The following ANKRD44 variants were observed in gnomAD, a reference collection of about 807,000 sequenced individuals.
ANKRD44 encodes ankyrin repeat domain 44.
In ANKRD44, 35 loss-of-function variants were observed where a neutral mutation model predicts 116.0. The observed-to-expected ratio is 0.30, with a 90% CI of 0.23 to 0.40. The LOEUF (loss-of-function observed/expected upper bound fraction) is 0.40. Among genes scored for constraint, ANKRD44 ranks in the 10% least tolerant of loss-of-function variants. The probability of loss-of-function intolerance (pLI) is 1.00; values close to 1 mark genes in which losing one functional copy is unlikely to be tolerated. For missense variants in ANKRD44, 1,014 were observed against 1,242.6 expected (o/e 0.82, Z 2.77); for synonymous variants, 435 against 461.8 (o/e 0.94, Z 0.74).
chr2:197,285,562 C>T (rs2083384255), intron 1 of ANKRD44, among the ~76,000 whole-genome samples: 1 of 152,160 alleles, frequency 6.6e-6, no homozygotes, highest in South Asian at 2.1e-4. Flanking sequence ...TTTCTGCTTT[C>T]TCAAGAAGCT....
At chr2:197,153,028 C>A (rs750442948) in intron 2 of ANKRD44, among the ~76,000 whole-genome samples, 13 of 151,618 alleles carry the variant, frequency 8.6e-5, no homozygotes, top group Non-Finnish European at 1.6e-4. Context: ...ACCAGGAGAC[C>A]TCGTCTCTAT....
rs1182572960 is a variant in ANKRD44, at chr2:197,264,031, G to T, written c.27+46547C>A. Among the ~76,000 whole-genome samples the T allele has an allele frequency of 2.6e-5, 4 of 152,298 alleles. No individual in the cohort carries two copies. In the East Asian group the frequency reaches 5.8e-4, roughly 22 times the overall value. ...GCTACACCTGAGGCTGAGGCAGGAG[G>T]ATCACTCGAGCCTAGGAGCTTGAGA... On this transcript the variant is annotated intron_variant, in intron 1 of 27. Coordinates refer to ENST00000282272, the MANE Select transcript of ANKRD44 (RefSeq NM_001195144.2).
intron 21 of ANKRD44, among the ~76,000 whole-genome samples, chr2:196,976,303 A>T (rs889818434): frequency 1.3e-5 from 2 of 151,908 alleles, no homozygotes; most frequent in Non-Finnish European, 2.9e-5. Context: ...CGCCTGGCTA[A>T]TTTTTTGTAT....
intron 4 of ANKRD44, among the ~76,000 whole-genome samples, chr2:197,126,762 C>T (rs1293144829): frequency 2.6e-5 from 4 of 151,892 alleles, no homozygotes; most frequent in Non-Finnish European, 5.9e-5. Context: ...AAAAAAAAAT[C>T]GACAAACATA....
At chr2:197,035,180 A>C (rs770034396) in intron 16 of ANKRD44, among the ~76,000 whole-genome samples, 1 of 152,238 alleles carries the variant, frequency 6.6e-6, no homozygotes, top group Admixed American at 6.5e-5. Context: ...CTGAGTTAAC[A>C]AAACAGTAAT....
At chr2:197,184,148 T>C (rs1172849719) in intron 2 of ANKRD44, among the ~76,000 whole-genome samples, 1 of 152,140 alleles carries the variant, frequency 6.6e-6, no homozygotes, top group Non-Finnish European at 1.5e-5. Context: ...ATAAGTGGCA[T>C]CACTAGAATT....
intron 1 of ANKRD44, among the ~76,000 whole-genome samples, chr2:197,255,874 T>C (rs2082433543): frequency 1.3e-5 from 2 of 152,216 alleles, no homozygotes; most frequent in South Asian, 4.1e-4. Flanking sequence ...GTTCACCAAA[T>C]AAAGAAATGT....
chr2:197,218,565 CA>C (rs1185037947), intron 1 of ANKRD44, among the ~76,000 whole-genome samples: 1 of 152,094 alleles, frequency 6.6e-6, no homozygotes, highest in African/African-American at 2.4e-5. Context: ...TAAAGCCACC[CA>C]TGACACATCC....
At chr2:197,063,125 A>G (rs1271324894) in intron 16 of ANKRD44, among the ~76,000 whole-genome samples, 1 of 152,246 alleles carries the variant, frequency 6.6e-6, no homozygotes, top group African/African-American at 2.4e-5. Flanking sequence ...CGAAGCTTCC[A>G]GAGGAACAAT....
chr2:197,030,012 A>G (rs939440803), intron 16 of ANKRD44: 3 of 166,526 alleles, frequency 1.8e-5, no homozygotes, highest in African/African-American at 7.2e-5. Flanking sequence ...CACCACCCAT[A>G]TTTCCAAAGG....
In ANKRD44 at chr2:197,159,900, T is replaced by G. The variant is rs76223364; in HGVS notation, c.112-12795A>C. On this transcript the variant is annotated intron_variant, in intron 2 of 27. Coordinates refer to ENST00000282272, the MANE Select transcript of ANKRD44 (RefSeq NM_001195144.2). Reference sequence around the variant, plus strand: ...ACATCCGCTGCTCTCTCAACACCACTAGGTAAGGCATTAACTAACCATTAA... The same window carrying G: ...ACATCCGCTGCTCTCTCAACACCACGAGGTAAGGCATTAACTAACCATTAA... 2.5e-3 allele frequency among the ~76,000 whole-genome samples: 377 copies of G among 152,288 alleles called. 3 individuals carry two copies. Among genetic ancestry groups the G allele is most frequent in the African/African-American group, 8.8e-3 (367 of 41,564 alleles).
chr2:197,278,391 CTG>C (rs1434467260), intron 1 of ANKRD44, among the ~76,000 whole-genome samples: 1 of 151,978 alleles, frequency 6.6e-6, no homozygotes, highest in Non-Finnish European at 1.5e-5. Flanking sequence ...GAGTCTTGCT[CTG>C]TCGCCCAGGC....
At chr2:197,079,217 A>G (rs1214509746) in intron 15 of ANKRD44, among the ~76,000 whole-genome samples, 1 of 152,112 alleles carries the variant, frequency 6.6e-6, no homozygotes, top group Non-Finnish European at 1.5e-5. Flanking sequence ...GGCAACCTCA[A>G]TAGGGAGGGG....
Position 196,989,208 on chromosome 2 carries a change from C to T in ANKRD44, c.*383G>A. 1.0e-6 allele frequency: 1 copy of T among 980,626 alleles called. No individual in the cohort carries two copies. Among genetic ancestry groups the T allele is most frequent in the Non-Finnish European group, 1.2e-6 (1 of 827,394 alleles). The allele number at this position is 980,626 out of a possible 1,614,324, so 60.7% of individuals were successfully genotyped here. On this transcript the variant is annotated 3_prime_UTR_variant, in exon 28 of 28. Transcript: ENST00000282272. ...GAACAAATAATGGATGTTTCCTCAC[C>T]ATTTGTTTCATTTCAAATAAATATA...
intron 2 of ANKRD44, among the ~76,000 whole-genome samples, chr2:197,149,820 G>A (rs764658717): frequency 3.7e-4 from 56 of 152,336 alleles, no homozygotes; most frequent in South Asian, 8.3e-4. Flanking sequence ...CCAGGAGGTA[G>A]CACTATGTCC....
At position 196,995,450 on chromosome 2, in the gene ANKRD44, T is replaced by C; in HGVS notation, c.2760A>G (p.Lys920=). ...TCTTGTCAAGTATTAACAAGGCACA[T>C]TTTTCATGACCCTAATAAAGAAAAA... is the stretch of plus-strand genomic sequence containing the variant. The part of the protein sequence containing the change: ...LHLACSKGHE[K]CALLILDKIQ... The change falls in exon 26 of 28, where the codon AAA becomes AAG. Residue 920 remains lysine, a synonymous_variant. Coordinates refer to ENST00000282272, the MANE Select transcript of ANKRD44 (RefSeq NM_001195144.2). The C allele has an allele frequency of 6.2e-7, 1 of 1,608,924 alleles. No homozygotes were observed. The highest frequency in any genetic ancestry group is 8.5e-7 in the Non-Finnish European group (1 of 1,176,858).
chr2:197,196,943 T>C (rs2080964186), intron 1 of ANKRD44, among the ~76,000 whole-genome samples: 1 of 151,506 alleles, frequency 6.6e-6, no homozygotes, highest in Admixed American at 6.6e-5. Flanking sequence ...CGGAGTCACC[T>C]TCCTGTTCTG....
At chr2:197,273,800 T>A (rs575180551) in intron 1 of ANKRD44, among the ~76,000 whole-genome samples, 2 of 151,940 alleles carry the variant, frequency 1.3e-5, no homozygotes, top group African/African-American at 4.8e-5. Flanking sequence ...AGGAACAACC[T>A]ATAAGGAAAA....
intron 2 of ANKRD44, among the ~76,000 whole-genome samples, chr2:197,162,582 G>A (rs527780261): frequency 2.0e-5 from 3 of 152,134 alleles, no homozygotes; most frequent in Non-Finnish European, 4.4e-5. Context: ...TTATTTTAAA[G>A]CCACAAAACA....
Sources: gnomAD v4.1 joint callset for allele counts (sites outside exome capture counted in the v4.1 genomes callset) on GRCh38, gnomAD v4.1.1 for gene constraint, MANE v1.5 for transcripts, NCBI Gene and HGNC (gene_info 2026-07-23, HGNC 2026-07-21) for gene names.